COG5: variants seen among roughly 807,000 people sequenced by gnomAD.
COG5 encodes conserved oligomeric Golgi complex subunit 5.
In COG5, 86 loss-of-function variants were observed where a neutral mutation model predicts 110.4. The ratio of observed to expected loss-of-function variants is 0.78; its 90% CI spans 0.65 to 0.93. COG5 has a LOEUF of 0.93. Among genes scored for constraint, COG5 ranks in the 40% least tolerant of loss-of-function variants. The probability of loss-of-function intolerance (pLI) is 0.00; values close to 1 mark genes in which losing one functional copy is unlikely to be tolerated. For synonymous variants in COG5, 360 were observed against 334.6 expected, an observed-to-expected ratio of 1.08 and a Z score of -0.83; for missense variants, 1,077 against 987.0, an observed-to-expected ratio of 1.09 and a Z score of -1.22.
chr7:107,511,708 G>T (rs1247534706), intron 6 of COG5, among the ~76,000 whole-genome samples: 2 of 152,110 alleles, frequency 1.3e-5, no homozygotes, highest in Non-Finnish European at 1.5e-5. Flanking sequence ...TGATCAAGTG[G>T]GCTTCATCCC....
chr7:107,386,808 G>A (rs1034352140), intron 7 of COG5, among the ~76,000 whole-genome samples: 2 of 152,130 alleles, frequency 1.3e-5, no homozygotes, highest in Non-Finnish European at 1.5e-5. Flanking sequence ...AAGGGCAACA[G>A]GTCCCAGCAT....
chr7:107,353,251 C>A (rs1812320544), intron 10 of COG5, among the ~76,000 whole-genome samples: 1 of 151,760 alleles, frequency 6.6e-6, no homozygotes, highest in South Asian at 2.1e-4. Flanking sequence ...CGGTGAAACC[C>A]CATCTCTACT....
intron 21 of COG5, among the ~76,000 whole-genome samples, chr7:107,207,168 T>A (rs372408937): frequency 6.6e-6 from 1 of 152,376 alleles, no homozygotes. Context: ...ATACACTACA[T>A]GCCTCAATAA....
intron 11 of COG5, among the ~76,000 whole-genome samples, chr7:107,318,409 A>T (rs1000498311): frequency 6.6e-6 from 1 of 152,236 alleles, no homozygotes; most frequent in Non-Finnish European, 1.5e-5. Context: ...TCATTTAAAG[A>T]AAGAAAATAA....
intron 6 of COG5, among the ~76,000 whole-genome samples, chr7:107,485,070 A>T (rs951308673): frequency 1.1e-4 from 17 of 152,206 alleles, no homozygotes; most frequent in African/African-American, 2.4e-5. Flanking sequence ...GATAACCTTC[A>T]GAAATACCTT....
rs1368993212 is a variant in COG5 at position 107,466,685 on chromosome 7, T to C, written c.539-54053A>G. 2.0e-5 allele frequency among the ~76,000 whole-genome samples: 3 copies of C among 152,200 alleles called. No homozygotes were observed. The East Asian group carries it at 5.8e-4, about 29-fold the overall frequency. On this transcript the variant is annotated intron_variant, in intron 6 of 21. Transcript: ENST00000297135. The stretch of plus-strand genomic sequence containing the variant: ...TATTTGTTGTGAAAGAAATGTAAAG[T>C]TGAGAAGCCAAATAAAATCTCTGAA...
At chr7:107,299,853 ATATATC>A (rs1562958225) in intron 11 of COG5, among the ~76,000 whole-genome samples, 2 of 126,446 alleles carry the variant, frequency 1.6e-5, no homozygotes, top group African/African-American at 5.9e-5. Context: ...ATATATATAT[ATATATC>A]TGGAATTATC....
intron 21 of COG5, chr7:107,208,188 C>T (rs1175840990): frequency 4.1e-6 from 4 of 985,246 alleles, no homozygotes; most frequent in Non-Finnish European, 4.8e-6. Flanking sequence ...CCCTGAAGGA[C>T]AGCTCAATTT....
intron 6 of COG5, among the ~76,000 whole-genome samples, chr7:107,414,482 C>A (rs1421167082): frequency 6.6e-6 from 1 of 151,954 alleles, no homozygotes; most frequent in African/African-American, 2.4e-5. Flanking sequence ...AAAATTTAAT[C>A]TACTAGATTA....
At chr7:107,273,860 T>G (rs1257895001) in intron 14 of COG5, among the ~76,000 whole-genome samples, 2 of 151,828 alleles carry the variant, frequency 1.3e-5, no homozygotes, top group African/African-American at 2.4e-5. Context: ...AAAGGGAAAA[T>G]GTTTGAATAT....
rs552299240 is a variant in COG5, at chr7:107,241,373, C to T, written c.1854-4686G>A. Among the ~76,000 whole-genome samples the T allele has an allele frequency of 6.3e-4, 94 of 149,806 alleles. 1 individual carries two copies. Among genetic ancestry groups the T allele is most frequent in the Non-Finnish European group, 4.7e-4 (32 of 67,530 alleles). On this transcript the variant is annotated intron_variant, in intron 17 of 21. Coordinates refer to ENST00000297135, the MANE Select transcript of COG5 (RefSeq NM_006348.5). The stretch of plus-strand genomic sequence containing the variant: ...ATATAGTTTTTTTTTCGGTAGAATT[C>T]ACTTTACCCTTCTGTGCTTCATATA...
At chr7:107,512,074 G>A (rs1314160155) in intron 6 of COG5, among the ~76,000 whole-genome samples, 1 of 152,102 alleles carries the variant, frequency 6.6e-6, no homozygotes, top group Non-Finnish European at 1.5e-5. Context: ...GGAAATAAAG[G>A]GTATTCAATT....
intron 5 of COG5, among the ~76,000 whole-genome samples, chr7:107,539,105 C>A (rs1020875613): frequency 6.6e-6 from 1 of 151,910 alleles, no homozygotes; most frequent in Non-Finnish European, 1.5e-5. Flanking sequence ...TAGTGAGAGA[C>A]ACTGTCTAAA....
intron 7 of COG5, among the ~76,000 whole-genome samples, chr7:107,379,747 T>C (rs1037675368): frequency 1.3e-5 from 2 of 152,124 alleles, no homozygotes; most frequent in African/African-American, 4.8e-5. Flanking sequence ...CAAGTATATA[T>C]GCACCCAGTA....
chr7:107,466,519 T>C (rs901653068), intron 6 of COG5, among the ~76,000 whole-genome samples: 1 of 152,230 alleles, frequency 6.6e-6, no homozygotes, highest in Non-Finnish European at 1.5e-5. Context: ...TTCTGATGCA[T>C]GTGCTTTATC....
chr7:107,534,476 C>T (rs967031719), intron 5 of COG5, among the ~76,000 whole-genome samples: 2 of 147,928 alleles, frequency 1.4e-5, no homozygotes, highest in Non-Finnish European at 3.0e-5. Context: ...GAATATTTAC[C>T]AAGCAAATGG....
chr7:107,216,526 G>A (rs912770656), intron 19 of COG5, among the ~76,000 whole-genome samples: 4 of 152,150 alleles, frequency 2.6e-5, no homozygotes, highest in African/African-American at 4.8e-5. Context: ...ACAAATTTAG[G>A]AGAAATGAAA....
intron 6 of COG5, among the ~76,000 whole-genome samples, chr7:107,467,310 G>A (rs1034992260): frequency 5.9e-5 from 9 of 152,120 alleles, no homozygotes; most frequent in Non-Finnish European, 1.2e-4. Context: ...ACAAGTGTGA[G>A]TGTTACTACG....
At chr7:107,529,305 G>C (rs544888508) in intron 5 of COG5, among the ~76,000 whole-genome samples, 1 of 152,152 alleles carries the variant, frequency 6.6e-6, no homozygotes, top group Non-Finnish European at 1.5e-5. Flanking sequence ...TAGGAACGTC[G>C]GTTGATGATT....
Sources: gnomAD v4.1 joint callset for allele counts (sites outside exome capture counted in the v4.1 genomes callset) on GRCh38, gnomAD v4.1.1 for gene constraint, MANE v1.5 for transcripts, NCBI Gene and HGNC (gene_info 2026-07-23, HGNC 2026-07-21) for gene names.